TOR1AIP1: variants seen among roughly 807,000 people sequenced by gnomAD.
TOR1AIP1 encodes the protein torsin 1A interacting protein 1, also known as torsin-1A-interacting protein 1.
Under a neutral mutation model 63.3 loss-of-function variants are expected in TOR1AIP1, and 54 were observed. The observed-to-expected ratio is 0.85, with a 90% CI of 0.69 to 1.07. The LOEUF is 1.07. Ranked by LOEUF, TOR1AIP1 falls within the 50% of genes least tolerant of loss-of-function variation. The pLI is 0.00. For synonymous variants in TOR1AIP1, 294 were observed against 273.5 expected (o/e 1.07, Z -0.74); for missense variants, 736 against 715.0 (o/e 1.03, Z -0.33).
Position 179,917,627 on chromosome 1 carries a change from A to C in TOR1AIP1, c.1140A>C (p.Gln380His), listed in dbSNP as rs139364730. 1.3e-5 allele frequency: 21 copies of C among 1,614,068 alleles called. No homozygotes were observed. In the African/African-American group the frequency reaches 2.7e-4, roughly 21 times the overall value. Reference sequence around the variant, plus strand: ...TGAATCAACTTAAGAATAAGTACCAAGGTCAAGATGAGAAGCTGTGGAAAA... The same window carrying C: ...TGAATCAACTTAAGAATAAGTACCACGGTCAAGATGAGAAGCTGTGGAAAA... ...NQMNQLKNKY[Q>H]GQDEKLWKRS... The change falls in exon 10 of 10, where the codon CAA becomes CAC. Residue 380 changes from glutamine to histidine, a missense_variant. Physicochemically the swap from Gln to His is conservative, Grantham distance 24 (BLOSUM62 0). This residue lies in a region of TOR1AIP1 where 272 missense variants were observed against 344.1 expected (regional missense o/e 0.79). Transcript: ENST00000606911.
chr1:179,905,998 T>C (rs1284122430), intron 6 of TOR1AIP1, among the ~76,000 whole-genome samples: 1 of 152,154 alleles, frequency 6.6e-6, no homozygotes. Flanking sequence ...AGTTAGTTCA[T>C]TGTATCCTAA....
chr1:179,897,244 CAT>C (rs1419381931), intron 3 of TOR1AIP1, among the ~76,000 whole-genome samples: 11 of 152,010 alleles, frequency 7.2e-5, no homozygotes, highest in Non-Finnish European at 1.5e-4. Context: ...AATATAATAA[CAT>C]GTTAGAAGTA....
Position 179,882,687 on chromosome 1 carries a change from A to G in TOR1AIP1, c.185A>G (p.Glu62Gly), listed in dbSNP as rs867881766. The change falls in exon 1 of 10, where the codon GAG becomes GGG. Residue 62 changes from glutamate to glycine, a missense_variant. Glu to Gly is a moderately conservative substitution (Grantham distance 98). Around this residue, in one of 2 missense-constraint regions of TOR1AIP1, gnomAD observed 464 missense variants for 371.0 expected, o/e 1.25. Transcript: ENST00000606911. ...CGGCGGGAAGTGAGGTTCTCGGACG[A>G]GCCGCCAGAAGTGTACGGCGACTTC... ...QGRREVRFSDEPPEVYGDFEP... is the reference protein window; with the variant it reads ...QGRREVRFSDGPPEVYGDFEP... The G allele has an allele frequency of 6.2e-7, 1 of 1,605,358 alleles. No homozygotes were observed. Among genetic ancestry groups the G allele is most frequent in the African/African-American group, 1.3e-5 (1 of 74,548 alleles).
intron 6 of TOR1AIP1, among the ~76,000 whole-genome samples, chr1:179,907,428 CAA>C (rs765148475): frequency 2.2e-4 from 11 of 50,690 alleles, no homozygotes; most frequent in Admixed American, 4.3e-4. Flanking sequence ...GACCCTGTCT[CAA>C]AAAAAAAAAA....
intron 8 of TOR1AIP1, among the ~76,000 whole-genome samples, 166 bp downstream of exon 8, chr1:179,908,839 G>C (rs1648737117): frequency 6.6e-6 from 1 of 152,162 alleles, no homozygotes; most frequent in African/African-American, 2.4e-5. Flanking sequence ...GCAGCACATG[G>C]GCTGGGTGTA....
chr1:179,899,159 C>G (rs1362400204), intron 3 of TOR1AIP1, among the ~76,000 whole-genome samples: 1 of 152,056 alleles, frequency 6.6e-6, no homozygotes, highest in African/African-American at 2.4e-5. Flanking sequence ...ATTTTCTCAG[C>G]TTTGTTGAAG....
chr1:179,894,518 C>T (rs1571726606), intron 3 of TOR1AIP1, among the ~76,000 whole-genome samples: 1 of 152,142 alleles, frequency 6.6e-6, no homozygotes, highest in East Asian at 1.9e-4. Flanking sequence ...GAAACCCTAT[C>T]TCTACTAAAA....
intron 3 of TOR1AIP1, among the ~76,000 whole-genome samples, chr1:179,894,787 C>T (rs514421): frequency 0.6 from 90,788 of 152,048 alleles, 27,530 homozygotes; most frequent in East Asian, 0.76. Context: ...GTCTTTGTCC[C>T]CAGACAAAAC....
At chr1:179,909,258 C>T (rs533704409) in intron 8 of TOR1AIP1, among the ~76,000 whole-genome samples, 3 of 152,302 alleles carry the variant, frequency 2.0e-5, no homozygotes, top group East Asian at 1.9e-4. Context: ...TGAAATTCTA[C>T]TCTTTTGACA....
Position 179,917,435 on chromosome 1 carries a change from C to A in TOR1AIP1, c.965-17C>A. 1.3e-6 allele frequency: 2 copies of A among 1,585,942 alleles called. No homozygotes were observed. Among genetic ancestry groups the A allele is most frequent in the South Asian group, 2.3e-5 (2 of 86,562 alleles). ...AAAGTGGTATTTATATCTGTCATTT[C>A]TTTTTTGTCTGAGTAGAAGTGACTG... On this transcript the variant is annotated splice_polypyrimidine_tract_variant and intron_variant, in intron 9 of 9. Transcript: ENST00000606911.
chr1:179,894,269 A>G (rs947555709), intron 3 of TOR1AIP1, among the ~76,000 whole-genome samples: 2 of 151,984 alleles, frequency 1.3e-5, no homozygotes, highest in African/African-American at 4.8e-5. Flanking sequence ...AAAAAAAAGA[A>G]TAAAGACGAC....
intron 5 of TOR1AIP1, 108 bp downstream of exon 5, chr1:179,901,496 A>C (rs1648464488): frequency 1.9e-6 from 1 of 535,238 alleles, no homozygotes; most frequent in Admixed American, 3.8e-5. Flanking sequence ...ACTTTATAAA[A>C]AGTCGTGAAT....
chr1:179,911,695 T>A (rs1648835709), intron 8 of TOR1AIP1, among the ~76,000 whole-genome samples: 1 of 152,230 alleles, frequency 6.6e-6, no homozygotes, highest in Admixed American at 6.5e-5. Flanking sequence ...ACTTACTAAT[T>A]GAGTAATCTT....
At chr1:179,912,582 TG>T (rs1648875782) in intron 8 of TOR1AIP1, among the ~76,000 whole-genome samples, 1 of 152,212 alleles carries the variant, frequency 6.6e-6, no homozygotes, top group Non-Finnish European at 1.5e-5. Context: ...TTTGCAACCA[TG>T]GAGTGAAGTA....
At chr1:179,906,742 C>CTTTT (rs1311833360) in intron 6 of TOR1AIP1, among the ~76,000 whole-genome samples, 2 of 134,812 alleles carry the variant, frequency 1.5e-5, no homozygotes. Context: ...TCCCCCCCCC[C>CTTTT]CTTTTTTTTT....
At position 179,915,809 on chromosome 1, in the gene TOR1AIP1, T is replaced by C. The variant is rs1007749763; in HGVS notation, c.965-1643T>C. The stretch of plus-strand genomic sequence containing the variant: ...ACAATATTGGGAGTTGTCAAGCTCA[T>C]GGTGGCAGATTTAGGATTCTAAAAT... On this transcript the variant is annotated intron_variant, in intron 9 of 9. Transcript: ENST00000606911. Among the ~76,000 whole-genome samples the C allele has an allele frequency of 2.0e-5, 3 of 152,142 alleles. No homozygotes were observed. The South Asian group carries it at 6.2e-4, about 31-fold the overall frequency.
chr1:179,882,452 C>G lies in TOR1AIP1; in HGVS notation c.-51C>G. ...CCATCGCCACCACCGGCAGGAGAAC[C>G]TAGGGTCCATAAAGCCATCTTCGCG... On this transcript the variant is annotated 5_prime_UTR_variant, in exon 1 of 10. Coordinates refer to ENST00000606911, the MANE Select transcript of TOR1AIP1 (RefSeq NM_015602.4). The G allele has an allele frequency of 1.4e-6, 2 of 1,392,598 alleles. No homozygotes were observed. Among genetic ancestry groups the G allele is most frequent in the Non-Finnish European group, 1.9e-6 (2 of 1,069,076 alleles). The allele number at this position is 1,392,598 out of a possible 1,614,324, so 86.3% of individuals were successfully genotyped here.
intron 1 of TOR1AIP1, chr1:179,883,916 C>A: frequency 3.4e-6 from 1 of 291,700 alleles, no homozygotes; most frequent in Non-Finnish European, 6.9e-6. Flanking sequence ...AATCAGCGGA[C>A]CTGAGTCACA....
chr1:179,903,937 T>C, intron 5 of TOR1AIP1, 29 bp from the exon 6 acceptor site: 3 of 1,466,482 alleles, frequency 2.0e-6, no homozygotes, highest in Non-Finnish European at 2.8e-6. Context: ...TTGGATATTA[T>C]TTATAGTGTA....
Sources: allele counts gnomAD v4.1 joint callset (sites outside exome capture counted in the v4.1 genomes callset), GRCh38; gene constraint gnomAD v4.1.1; regional missense constraint gnomAD v4.1.1; transcripts MANE v1.5; gene names NCBI Gene and HGNC (gene_info 2026-07-23, HGNC 2026-07-21).